CISTR: variants seen among roughly 807,000 people sequenced by gnomAD.
CISTR encodes the protein chondrogenic regulator lncRNA.
chr12:53,755,452 G>GAC (rs1425335473), intron 1 of CISTR, among the ~76,000 whole-genome samples: 1 of 152,052 alleles, frequency 6.6e-6, no homozygotes, highest in Non-Finnish European at 1.5e-5. Context: ...TTCTTTTGCT[G>GAC]ACAGTAAGCC....
At chr12:53,746,731 G>C (rs1017974542) in exon 3 of CISTR, among the ~76,000 whole-genome samples, 1 of 152,196 alleles carries the variant, frequency 6.6e-6, no homozygotes, top group Non-Finnish European at 1.5e-5. Flanking sequence ...AGCATCCAGG[G>C]CCGACGTCTG....
chr12:53,752,808 G>A (rs1371632432), intron 1 of CISTR, among the ~76,000 whole-genome samples: 1 of 152,210 alleles, frequency 6.6e-6, no homozygotes, highest in Non-Finnish European at 1.5e-5. Flanking sequence ...CTGAACTGCA[G>A]AACAAAGGAA....
In CISTR at chr12:53,748,513, G is replaced by C. The variant is rs142787068; in HGVS notation, n.1064-1665C>G. On this transcript the variant is annotated intron_variant and non_coding_transcript_variant, in intron 2 of 2. Transcript: ENST00000669269. Reference sequence around the variant, plus strand: ...ACTGCCGAGTGGAAAGGGAAAGACAGAGGAGAGACAGACCTAGAGACAGGA... The same window carrying C: ...ACTGCCGAGTGGAAAGGGAAAGACACAGGAGAGACAGACCTAGAGACAGGA... Among the ~76,000 whole-genome samples, 78 of 152,342 alleles carry C rather than the reference G, an allele frequency of 5.1e-4. 1 individual carries two copies. The highest frequency in any genetic ancestry group is 9.8e-4 in the Non-Finnish European group (67 of 68,028).
rs1312358161 is a variant in CISTR, at chr12:53,752,202, T to A, written n.415-1237A>T. Among the ~76,000 whole-genome samples, 3 of 152,154 alleles carry A rather than the reference T, an allele frequency of 2.0e-5. No homozygotes were observed. In the East Asian group the frequency reaches 5.8e-4, roughly 29 times the overall value. On this transcript the variant is annotated intron_variant and non_coding_transcript_variant, in intron 1 of 2. Transcript: ENST00000669269. Reference sequence around the variant, plus strand: ...CTTCCAGGCCTCTCTCCACCCTCTGTCTCTTTCTGCCTGGGTTCTTCCTTT... The same window carrying A: ...CTTCCAGGCCTCTCTCCACCCTCTGACTCTTTCTGCCTGGGTTCTTCCTTT...
At chr12:53,748,495 A>G (rs1329510087) in intron 2 of CISTR, among the ~76,000 whole-genome samples, 1 of 152,176 alleles carries the variant, frequency 6.6e-6, no homozygotes, top group Non-Finnish European at 1.5e-5. Context: ...GACACTGCCG[A>G]GTGGAAAGGG....
At chr12:53,747,176 C>G (rs1486338579) in intron 2 of CISTR, among the ~76,000 whole-genome samples, 1 of 152,178 alleles carries the variant, frequency 6.6e-6, no homozygotes, top group Admixed American at 6.5e-5. Context: ...CTGGAGCAGA[C>G]CAGGCATTGT....
At chr12:53,752,965 G>C (rs1014406136) in intron 1 of CISTR, among the ~76,000 whole-genome samples, 4 of 151,796 alleles carry the variant, frequency 2.6e-5, no homozygotes, top group African/African-American at 9.7e-5. Flanking sequence ...GTGGATCTAG[G>C]AGTCCAGCTC....
In CISTR at chr12:53,752,342, T is replaced by A. The variant is rs533367753; in HGVS notation, n.415-1377A>T. Among the ~76,000 whole-genome samples the A allele has an allele frequency of 3.9e-5, 6 of 152,312 alleles. No homozygotes were observed. The East Asian group carries it at 1.2e-3, about 29-fold the overall frequency. On this transcript the variant is annotated intron_variant and non_coding_transcript_variant, in intron 1 of 2. Coordinates refer to ENST00000669269, the Ensembl canonical transcript of CISTR. ...AATTTGGCTCGTGTCCTTCTCTCCC[T>A]TTTTTGCGAAGCTGCAGACACTGCT...
At chr12:53,752,030 C>A (rs972216410) in intron 1 of CISTR, among the ~76,000 whole-genome samples, 1 of 152,066 alleles carries the variant, frequency 6.6e-6, no homozygotes, top group Admixed American at 6.5e-5. Context: ...CTTTCTCCGC[C>A]CCGCACCGCC....
At chr12:53,752,341 C>T (rs1464899571) in intron 1 of CISTR, among the ~76,000 whole-genome samples, 5 of 152,182 alleles carry the variant, frequency 3.3e-5, no homozygotes, top group African/African-American at 4.8e-5. Context: ...CCTTCTCTCC[C>T]TTTTTTGCGA....
At chr12:53,755,308 G>T (rs1593111580) in intron 1 of CISTR, among the ~76,000 whole-genome samples, 1 of 147,150 alleles carries the variant, frequency 6.8e-6, no homozygotes, top group Admixed American at 6.8e-5. Flanking sequence ...TCCTGTTTGG[G>T]GTGTGTGTGT....
intron 1 of CISTR, among the ~76,000 whole-genome samples, chr12:53,755,355 G>A (rs1937903660): frequency 1.3e-5 from 2 of 150,802 alleles, no homozygotes; most frequent in South Asian, 4.2e-4. Context: ...TAGGAAATGT[G>A]TTGTTGGAGA....
Sources: gnomAD v4.1 joint callset for allele counts (sites outside exome capture counted in the v4.1 genomes callset) on GRCh38, gnomAD v4.1.1 for gene constraint, MANE v1.5 for transcripts, NCBI Gene and HGNC (gene_info 2026-07-23, HGNC 2026-07-21) for gene names.